Variants in ARHGAP10 observed in about 807,000 individuals in gnomAD.
ARHGAP10 encodes rho GTPase-activating protein 10.
A neutral mutation model predicts 108.6 loss-of-function variants in ARHGAP10; 87 were observed. That is an observed-to-expected ratio of 0.80 (90% CI 0.67 to 0.96). ARHGAP10 has a LOEUF of 0.96. Among genes scored for constraint, ARHGAP10 ranks in the 40% least tolerant of loss-of-function variants. ARHGAP10 has a pLI of 0.00. For synonymous variants in ARHGAP10, 347 were observed against 341.1 expected, an observed-to-expected ratio of 1.02 and a Z score of -0.19; for missense variants, 939 against 954.5, an observed-to-expected ratio of 0.98 and a Z score of 0.21.
At chr4:148,010,364 G>A (rs1741125011) in intron 18 of ARHGAP10, among the ~76,000 whole-genome samples, 1 of 152,090 alleles carries the variant, frequency 6.6e-6, no homozygotes, top group African/African-American at 2.4e-5. Context: ...GTAATATTGT[G>A]TACCAGTGTT....
intron 1 of ARHGAP10, among the ~76,000 whole-genome samples, chr4:147,747,703 T>A (rs1359164412): frequency 6.6e-6 from 1 of 152,150 alleles, no homozygotes; most frequent in Non-Finnish European, 1.5e-5. Flanking sequence ...TCTTCCCCTT[T>A]CTTCAGATTA....
chr4:147,761,352 T>A (rs1335897504), intron 1 of ARHGAP10, among the ~76,000 whole-genome samples: 1 of 152,164 alleles, frequency 6.6e-6, no homozygotes. Context: ...TTTAAAATTT[T>A]AAAAATCTTT....
chr4:147,961,620 GT>G (rs112446557), intron 16 of ARHGAP10, among the ~76,000 whole-genome samples: 2 of 149,398 alleles, frequency 1.3e-5, no homozygotes, highest in Non-Finnish European at 3.0e-5. Flanking sequence ...CCATTCTCTT[GT>G]TTTTTTTTGC....
At chr4:147,869,672 T>C (rs2126852462) in intron 7 of ARHGAP10, among the ~76,000 whole-genome samples, 1 of 152,146 alleles carries the variant, frequency 6.6e-6, no homozygotes, top group East Asian at 1.9e-4. Context: ...TCTCTAAATA[T>C]TCCTCTCTTG....
intron 8 of ARHGAP10, among the ~76,000 whole-genome samples, chr4:147,878,131 T>C (rs1444988018): frequency 1.3e-5 from 2 of 151,728 alleles, no homozygotes; most frequent in Non-Finnish European, 2.9e-5. Context: ...ACAGAGCCTC[T>C]GTCACCCAGG....
intron 10 of ARHGAP10, among the ~76,000 whole-genome samples, chr4:147,882,800 G>A (rs1211411597): frequency 6.6e-6 from 1 of 152,150 alleles, no homozygotes; most frequent in Non-Finnish European, 1.5e-5. Context: ...ATTACTACTT[G>A]TCTGGCATTA....
At chr4:147,865,147 G>A in intron 6 of ARHGAP10, 191 bp downstream of exon 6, 1 of 536,188 alleles carries the variant, frequency 1.9e-6, no homozygotes, top group South Asian at 2.2e-5. Flanking sequence ...GTTCTCAGCT[G>A]TATTTGCACT....
intron 18 of ARHGAP10, among the ~76,000 whole-genome samples, chr4:147,995,554 A>G (rs1246681818): frequency 6.6e-6 from 1 of 152,242 alleles, no homozygotes; most frequent in African/African-American, 2.4e-5. Flanking sequence ...TATCTAAAAC[A>G]GATATCTCAA....
chr4:147,864,749 C>T lies in ARHGAP10; in HGVS notation c.487-97C>T, dbSNP rs183821533. 4.1e-4 allele frequency: 392 copies of T among 946,328 alleles called. 2 individuals carry two copies. The East Asian group carries it at 6.2e-3, about 15-fold the overall frequency. The allele number at this position is 946,328 out of a possible 1,614,324, so 58.6% of individuals were successfully genotyped here. On this transcript the variant is annotated intron_variant, in intron 5 of 22. Transcript: ENST00000336498. ...TTATTTACAAAATCAGGCAGCACAC[C>T]GTATTTTGGCCCATGGACCACAGTG...
intron 13 of ARHGAP10, among the ~76,000 whole-genome samples, chr4:147,920,489 C>T (rs10028956): frequency 1.7e-4 from 26 of 152,166 alleles, no homozygotes; most frequent in African/African-American, 5.8e-4. Flanking sequence ...AATAGCAGAA[C>T]GTTCTTTTTG....
rs1411745355 is a variant in ARHGAP10, at chr4:148,060,344, A to ACTTTTTTTTTTTTTTTT, written c.2028-2804_2028-2803insCTTTTTTTTTTTTTTTT. On this transcript the variant is annotated intron_variant, in intron 20 of 22. Transcript: ENST00000336498. ...TGGTTACATAACGAAGCTCATGTTT[A>ACTTTTTTTTTTTTTTTT]GTTTTTTTTTTTTTTTTTTTTTGGC... Among the ~76,000 whole-genome samples, 4 of 120,844 alleles carry ACTTTTTTTTTTTTTTTT rather than the reference A, an allele frequency of 3.3e-5. 1 individual carries two copies. The highest frequency in any genetic ancestry group is 3.5e-5 in the Non-Finnish European group (2 of 56,894). 79.3% of individuals were successfully genotyped at this position (120,844 alleles called of 152,430 possible).
At chr4:147,752,431 TG>T (rs1729193123) in intron 1 of ARHGAP10, among the ~76,000 whole-genome samples, 1 of 152,098 alleles carries the variant, frequency 6.6e-6, no homozygotes, top group African/African-American at 2.4e-5. Flanking sequence ...TACAAAAAAT[TG>T]AAAAAAACGC....
chr4:147,917,617 T>C (rs1737041934), intron 13 of ARHGAP10, among the ~76,000 whole-genome samples: 1 of 152,256 alleles, frequency 6.6e-6, no homozygotes, highest in African/African-American at 2.4e-5. Flanking sequence ...GAGATCATTT[T>C]AACTTAAGAG....
In ARHGAP10 at chr4:148,003,202, A is replaced by C. The variant is rs915882899; in HGVS notation, c.1717-20061A>C. ...GTAGTCATTCAGGAGCAGGTTGTTC[A>C]GTTTCCATGTAGTTGATCGGTTTTG... On this transcript the variant is annotated intron_variant, in intron 18 of 22. Transcript: ENST00000336498. Among the ~76,000 whole-genome samples, 3 of 152,202 alleles carry C rather than the reference A, an allele frequency of 2.0e-5. No individual in the cohort carries two copies. The South Asian group carries it at 6.2e-4, about 31-fold the overall frequency.
intron 3 of ARHGAP10, among the ~76,000 whole-genome samples, chr4:147,840,449 G>T (rs1733365717): frequency 6.6e-6 from 1 of 151,670 alleles, no homozygotes; most frequent in Non-Finnish European, 1.5e-5. Flanking sequence ...TTAGCATTCT[G>T]GTTACATTCC....
At chr4:147,864,652 A>G (rs973402999) in intron 5 of ARHGAP10, 194 bp from the exon 6 acceptor site, 4 of 522,058 alleles carry the variant, frequency 7.7e-6, no homozygotes, top group African/African-American at 5.9e-5. Context: ...CACCTGCTCA[A>G]TTCTGCTGTT....
intron 18 of ARHGAP10, among the ~76,000 whole-genome samples, chr4:148,010,880 G>A (rs1741144897): frequency 6.6e-6 from 1 of 152,120 alleles, no homozygotes; most frequent in Admixed American, 6.5e-5. Flanking sequence ...GTTGTCAAAT[G>A]ACATTTTTAA....
intron 18 of ARHGAP10, among the ~76,000 whole-genome samples, chr4:147,971,115 AGAG>A (rs1312042757): frequency 6.7e-6 from 1 of 148,334 alleles, no homozygotes; most frequent in East Asian, 2.0e-4. Flanking sequence ...AAAAAAAAAA[AGAG>A]TTCCTGGGCC....
intron 18 of ARHGAP10, among the ~76,000 whole-genome samples, chr4:147,997,960 GA>G (rs1369352556): frequency 6.6e-6 from 1 of 151,992 alleles, no homozygotes; most frequent in Non-Finnish European, 1.5e-5. Context: ...AGAATATCTA[GA>G]AAAAATATTA....
Sources: allele counts gnomAD v4.1 joint callset (sites outside exome capture counted in the v4.1 genomes callset), GRCh38; gene constraint gnomAD v4.1.1; transcripts MANE v1.5; gene names NCBI Gene and HGNC (gene_info 2026-07-23, HGNC 2026-07-21).